MYPN: variants seen among roughly 807,000 people sequenced by gnomAD.
The protein encoded by MYPN is myopalladin, also known as sarcomeric protein myopalladin, 145 kDa (MYOP).
Under a neutral mutation model 129.4 loss-of-function variants are expected in MYPN, and 63 were observed. That is an observed-to-expected ratio of 0.49 (90% CI 0.40 to 0.60). The LOEUF (loss-of-function observed/expected upper bound fraction) is 0.60, where lower values mean the gene tolerates loss of function less well. Ranked by LOEUF, MYPN falls within the 20% of genes least tolerant of loss-of-function variation. The pLI is 0.00. For synonymous variants in MYPN, 629 were observed against 600.9 expected (o/e 1.05, Z -0.68); for missense variants, 1,596 against 1,635.4 (o/e 0.98, Z 0.42).
chr10:68,101,732 T>A (rs1316943889), upstream of MYPN, among the ~76,000 whole-genome samples: 1 of 152,158 alleles, frequency 6.6e-6, no homozygotes, highest in Non-Finnish European at 1.5e-5. Context: ...CTCAATTTTT[T>A]AAAACTTACT....
intron 1 of MYPN, among the ~76,000 whole-genome samples, chr10:68,092,025 T>TG (rs2041933516): frequency 6.6e-6 from 1 of 152,112 alleles, no homozygotes; most frequent in Admixed American, 6.5e-5. Context: ...GAGGGTGCAG[T>TG]GAGCTATGAT....
rs1294221636 is a variant in MYPN at position 68,150,131 on chromosome 10, T to C, written c.1317+20T>C. ...ACAAAGGTAATAAAAATATTACTTCTTTCTGTCATGGCTTTAAAGATACCA... is the reference window on the plus strand; with the variant it reads ...ACAAAGGTAATAAAAATATTACTTCCTTCTGTCATGGCTTTAAAGATACCA... On this transcript the variant is annotated intron_variant, in intron 6 of 19. Coordinates refer to ENST00000358913, the MANE Select transcript of MYPN (RefSeq NM_032578.4). The C allele has an allele frequency of 8.8e-6, 14 of 1,592,046 alleles. No individual in the cohort carries two copies. Among genetic ancestry groups the C allele is most frequent in the Non-Finnish European group, 1.2e-5 (14 of 1,159,950 alleles).
chr10:68,185,462 C>T (rs548706272), intron 12 of MYPN, among the ~76,000 whole-genome samples: 2 of 152,236 alleles, frequency 1.3e-5, no homozygotes, highest in South Asian at 2.1e-4. Flanking sequence ...CCCTCCCCAA[C>T]ACCCCCTGCC....
rs1162941550 is a variant in MYPN, at chr10:68,166,375, C to T, written c.1682C>T (p.Ser561Phe). 1.2e-6 allele frequency: 2 copies of T among 1,613,424 alleles called. No homozygotes were observed. The highest frequency in any genetic ancestry group is 2.2e-5 in the East Asian group (1 of 44,876). The change falls in exon 10 of 20, where the codon TCC (serine) becomes TTC (phenylalanine). Residue 561 changes from serine to phenylalanine, a missense_variant. Transcript: ENST00000358913. ...TNLAAIEPQP[S>F]PPHSEPPSVE... ...CTGGCAGCTATTGAGCCACAGCCCT[C>T]CCCACCCCACTCAGAGCCTCCATCT...
intron 16 of MYPN, among the ~76,000 whole-genome samples, chr10:68,197,916 C>T (rs1280314086): frequency 2.6e-5 from 4 of 151,870 alleles, no homozygotes; most frequent in African/African-American, 7.3e-5. Flanking sequence ...ACAGTGTGAA[C>T]GCGGTGGGCA....
chr10:68,177,387 T>G (rs571933602), intron 12 of MYPN, among the ~76,000 whole-genome samples: 5 of 152,332 alleles, frequency 3.3e-5, no homozygotes, highest in African/African-American at 9.6e-5. Flanking sequence ...AATTACAGAA[T>G]TGATCTTAGA....
chr10:68,202,103 G>A (rs1000211706), intron 18 of MYPN, 109 bp downstream of exon 18: 4 of 1,300,386 alleles, frequency 3.1e-6, no homozygotes, highest in African/African-American at 2.9e-5. Context: ...TTAGAATAAT[G>A]CATTTGCGTT....
intron 2 of MYPN, among the ~76,000 whole-genome samples, chr10:68,140,861 C>A (rs1031626311): frequency 6.6e-6 from 1 of 151,816 alleles, no homozygotes; most frequent in African/African-American, 2.4e-5. Context: ...TCGCTTGAGC[C>A]CAGGAGTTCA....
intron 5 of MYPN, among the ~76,000 whole-genome samples, chr10:68,149,823 G>A (rs1202567748): frequency 6.6e-6 from 1 of 152,032 alleles, no homozygotes; most frequent in African/African-American, 2.4e-5. Context: ...GGGGTGGCGT[G>A]GGGATAGGCA....
At position 68,109,579 on chromosome 10, in the gene MYPN, A is replaced by G. The variant is rs1007744995; in HGVS notation, c.-146A>G. On this transcript the variant is annotated 5_prime_UTR_variant, in exon 1 of 20. The change abolishes an upstream ATG in the 5' untranslated region. Coordinates refer to ENST00000358913, the MANE Select transcript of MYPN (RefSeq NM_032578.4). Reference sequence around the variant, plus strand: ...AACTAAGGTTAACTCCTCACTCTCTATGGACGGCTACTCTCTATTTCCAAG... The same window carrying G: ...AACTAAGGTTAACTCCTCACTCTCTGTGGACGGCTACTCTCTATTTCCAAG... 8.8e-6 allele frequency: 4 copies of G among 453,926 alleles called. No individual in the cohort carries two copies. The highest frequency in any genetic ancestry group is 1.6e-5 in the South Asian group (1 of 64,484). 28.1% of individuals were successfully genotyped at this position (453,926 alleles called of 1,614,324 possible).
chr10:68,106,697 A>G (rs1319072595), upstream of MYPN: 8 of 716,374 alleles, frequency 1.1e-5, no homozygotes, highest in South Asian at 8.9e-5. Context: ...AACATTTTAT[A>G]TGAATCTACT....
At chr10:68,138,479 C>T (rs1402675174) in intron 2 of MYPN, among the ~76,000 whole-genome samples, 1 of 150,922 alleles carries the variant, frequency 6.6e-6, no homozygotes, top group African/African-American at 2.4e-5. Context: ...AACCACTAAT[C>T]AGTTTTGCAA....
chr10:68,173,937 G>A, intron 10 of MYPN, 129 bp from the exon 11 acceptor site: 1 of 801,546 alleles, frequency 1.2e-6, no homozygotes. Flanking sequence ...AAAGTGCTGG[G>A]ATTACAGGCA....
chr10:68,206,752 T>G lies in MYPN; in HGVS notation c.3660-18T>G, dbSNP rs2043822019. ...TGCCCCCCGATAAAATATAGGTATA[T>G]TCTCTCTTTTTCTCCAGTATGCACC... On this transcript the variant is annotated intron_variant, in intron 18 of 19. Coordinates refer to ENST00000358913, the MANE Select transcript of MYPN (RefSeq NM_032578.4). The G allele has an allele frequency of 6.2e-7, 1 of 1,613,992 alleles. No individual in the cohort carries two copies. The highest frequency in any genetic ancestry group is 1.1e-5 in the South Asian group (1 of 91,090).
chr10:68,152,551 G>A (rs2042790336), intron 6 of MYPN, among the ~76,000 whole-genome samples: 1 of 152,144 alleles, frequency 6.6e-6, no homozygotes, highest in South Asian at 2.1e-4. Flanking sequence ...CTAATAACTA[G>A]ATAGGAGTCC....
chr10:68,136,473 C>T (rs997208597), intron 2 of MYPN: 6 of 1,132,114 alleles, frequency 5.3e-6, no homozygotes, highest in African/African-American at 4.7e-5. Flanking sequence ...TTCCCCCTGA[C>T]CCTCAAAAGT....
chr10:68,154,548 A>C (rs2042834855), intron 6 of MYPN, among the ~76,000 whole-genome samples: 2 of 152,218 alleles, frequency 1.3e-5, no homozygotes, highest in African/African-American at 4.8e-5. Context: ...TGCATGGGGC[A>C]CTTGTGACAG....
rs1256938312 is a variant in MYPN at position 68,142,993 on chromosome 10, A to G, written c.956A>G (p.Gln319Arg). The change falls in exon 3 of 20, where the codon CAG becomes CGG. Residue 319 changes from glutamine to arginine, a missense_variant. Physicochemically the swap from Gln to Arg is conservative, Grantham distance 43. Transcript: ENST00000358913. ...AATTCCCCAGATATTCACATCGTCC[A>G]GGCAGGAAATCTGCACTCACTGACC... is the stretch of plus-strand genomic sequence containing the variant. ...LENSPDIHIVQAGNLHSLTIA... is the reference protein window; with the variant it reads ...LENSPDIHIVRAGNLHSLTIA... 1 of 1,614,202 alleles carries G rather than the reference A, an allele frequency of 6.2e-7. No individual in the cohort carries two copies.
chr10:68,099,630 A>G (rs1321465395), intron 1 of MYPN, among the ~76,000 whole-genome samples: 1 of 149,518 alleles, frequency 6.7e-6, no homozygotes. Context: ...ACAGAGCAAG[A>G]CTCTGTCTCA....
Sources: allele counts gnomAD v4.1 joint callset (sites outside exome capture counted in the v4.1 genomes callset), GRCh38; gene constraint gnomAD v4.1.1; transcripts MANE v1.5; gene names NCBI Gene and HGNC (gene_info 2026-07-23, HGNC 2026-07-21).